The following EIF3B variants were observed in gnomAD, a reference collection of about 807,000 sequenced individuals.
The protein encoded by EIF3B is eukaryotic translation initiation factor 3 subunit B.
Under a neutral mutation model 104.6 loss-of-function variants are expected in EIF3B, and 10 were observed. The observed-to-expected ratio is 0.10, with a 90% confidence interval of 0.06 to 0.16. The LOEUF is 0.16. Ranked by LOEUF, EIF3B falls within the 10% of genes least tolerant of loss-of-function variation. The probability of loss-of-function intolerance (pLI) is 1.00; values close to 1 mark genes in which losing one functional copy is unlikely to be tolerated. For synonymous variants in EIF3B, 542 were observed against 417.2 expected (o/e 1.30, Z -3.65); for missense variants, 1,014 against 1,087.9 (o/e 0.93, Z 0.96).
intron 11 of EIF3B, among the ~76,000 whole-genome samples, chr7:2,372,467 G>C (rs2115324815): frequency 6.6e-6 from 1 of 152,286 alleles, no homozygotes; most frequent in South Asian, 2.1e-4. Flanking sequence ...GTTTCACGTA[G>C]GTCACTCCAC....
At position 2,363,065 on chromosome 7, in the gene EIF3B, T is replaced by C; in HGVS notation, c.813-5T>C. 1.2e-6 allele frequency: 2 copies of C among 1,613,984 alleles called. No homozygotes were observed. The highest frequency in any genetic ancestry group is 2.7e-5 in the African/African-American group (2 of 75,020). On this transcript the variant is annotated splice_region_variant and splice_polypyrimidine_tract_variant and intron_variant, in intron 3 of 18. Coordinates refer to ENST00000360876, the MANE Select transcript of EIF3B (RefSeq NM_001037283.2). Reference sequence around the variant, plus strand: ...TGGGGCTCAGCAGTCTCCTTTCTTCTCCAGGTATATGACGATCAGTGACGA... The same window carrying C: ...TGGGGCTCAGCAGTCTCCTTTCTTCCCCAGGTATATGACGATCAGTGACGA...
intron 13 of EIF3B, chr7:2,374,971 G>T: frequency 3.3e-6 from 1 of 302,822 alleles, no homozygotes; most frequent in Non-Finnish European, 6.2e-6. Flanking sequence ...CAGCTGTGAG[G>T]CTGCCTTACC....
At chr7:2,375,763 T>C (rs1241401684) in intron 14 of EIF3B, among the ~76,000 whole-genome samples, 4 of 152,184 alleles carry the variant, frequency 2.6e-5, no homozygotes, top group Non-Finnish European at 5.9e-5. Context: ...GGTCTTACCC[T>C]GGGCCCAGGG....
At chr7:2,362,591 A>G in intron 2 of EIF3B, 54 bp from the exon 3 acceptor site, 2 of 1,609,482 alleles carry the variant, frequency 1.2e-6, no homozygotes, top group South Asian at 1.1e-5. Context: ...CGGACAGCGC[A>G]TACCTGCCTA....
rs1039052542 is a variant in EIF3B at position 2,355,215 on chromosome 7, G to A, written c.294G>A (p.Glu98=). 6.7e-7 allele frequency: 1 copy of A among 1,492,694 alleles called. No homozygotes were observed. The highest frequency in any genetic ancestry group is 1.3e-5 in the South Asian group (1 of 79,676). 92.5% of individuals were successfully genotyped at this position (1,492,694 alleles called of 1,614,324 possible). A position where few individuals can be genotyped will look rare whatever the true frequency, so the allele number is the denominator to read the frequency against. ...AAEELPGSHA[E]PPVPAQGEAP... ...AGGAGCTGCCCGGGTCGCATGCTGA[G>A]CCCCCTGTCCCGGCACAGGGCGAGG... Residue 98 remains glutamate, a synonymous_variant, in exon 1 of 19, where the codon GAG becomes GAA. Transcript: ENST00000360876.
Position 2,374,616 on chromosome 7 carries a change from T to C in EIF3B, c.1889+10T>C. On this transcript the variant is annotated intron_variant, in intron 13 of 18. Transcript: ENST00000360876. ...TGGCGGGCCTGAGGAGGTAGGTGTC[T>C]GCGCTCTGAGCCTGTCCGCCCTGTG... The C allele has an allele frequency of 6.2e-7, 1 of 1,613,496 alleles. No individual in the cohort carries two copies. Among genetic ancestry groups the C allele is most frequent in the Middle Eastern group, 1.7e-4 (1 of 6,050 alleles).
intron 2 of EIF3B, among the ~76,000 whole-genome samples, 160 bp downstream of exon 2, chr7:2,361,062 A>C (rs1203691628): frequency 3.3e-5 from 5 of 152,176 alleles, no homozygotes; most frequent in Admixed American, 1.3e-4. Context: ...CAGAGCAGTG[A>C]ATGAGAAGAT....
rs201331895 is a variant in EIF3B at position 2,360,737 on chromosome 7, G to A, written c.527G>A (p.Arg176Gln). 7.4e-5 allele frequency: 118 copies of A among 1,589,772 alleles called. No homozygotes were observed. Among genetic ancestry groups the A allele is most frequent in the Middle Eastern group, 5.0e-4 (3 of 5,980 alleles). Reference sequence around the variant, plus strand: ...TTACTGGGAGATGTACTCAAAGATCGGCCCCAGGAAGCAGATGGAATCGAT... The same window carrying A: ...TTACTGGGAGATGTACTCAAAGATCAGCCCCAGGAAGCAGATGGAATCGAT... ...EELLGDVLKDRPQEADGIDSV... is the reference protein window; with the variant it reads ...EELLGDVLKDQPQEADGIDSV... Residue 176 changes from arginine (R) to glutamine (Q), a missense_variant, in exon 2 of 19, where the codon CGG becomes CAG. This residue lies in a region of EIF3B where 488 missense variants were observed against 404.3 expected (regional missense o/e 1.21). Coordinates refer to ENST00000360876, the MANE Select transcript of EIF3B (RefSeq NM_001037283.2).
In EIF3B at chr7:2,380,543, G is replaced by A. The variant is rs993944887; in HGVS notation, c.*354G>A. On this transcript the variant is annotated 3_prime_UTR_variant, in exon 19 of 19. Transcript: ENST00000360876. ...CGCCACTGGCGGCACCTTCTCCTGC[G>A]CCCAGTGATGTTTCCACGGTGCCTG... 7 of 399,506 alleles carry A rather than the reference G, an allele frequency of 1.8e-5. No individual in the cohort carries two copies. Among genetic ancestry groups the A allele is most frequent in the African/African-American group, 2.1e-5 (1 of 48,400 alleles). The allele number at this position is 399,506 out of a possible 1,614,324, so 24.7% of individuals were successfully genotyped here. A position where few individuals can be genotyped will look rare whatever the true frequency, so the allele number is the denominator to read the frequency against.
chr7:2,360,975 C>T, intron 2 of EIF3B, 73 bp downstream of exon 2: 1 of 1,273,578 alleles, frequency 7.9e-7, no homozygotes, highest in South Asian at 1.4e-5. Flanking sequence ...GCAGGAGATC[C>T]TTACTAACAC....
At chr7:2,369,371 T>G in intron 9 of EIF3B, 101 bp from the exon 10 acceptor site, 6 of 1,262,374 alleles carry the variant, frequency 4.8e-6, no homozygotes, top group Non-Finnish European at 5.7e-6. Flanking sequence ...TGTGACAGCA[T>G]TGAGCTTCTA....
At chr7:2,368,535 G>T (rs1780152904) in intron 9 of EIF3B, among the ~76,000 whole-genome samples, 1 of 152,228 alleles carries the variant, frequency 6.6e-6, no homozygotes, top group African/African-American at 2.4e-5. Context: ...CCACCCTTGA[G>T]GCACCACTTC....
intron 13 of EIF3B, chr7:2,375,055 C>G: frequency 2.8e-6 from 1 of 360,036 alleles, no homozygotes; most frequent in Non-Finnish European, 5.1e-6. Flanking sequence ...AAGCTTCCAG[C>G]TTTCTGCTCT....
Position 2,376,699 on chromosome 7 carries a change from G to T in EIF3B, c.2029-251G>T, listed in dbSNP as rs1026027919. 5.0e-5 allele frequency: 22 copies of T among 437,274 alleles called. No individual in the cohort carries two copies. In the East Asian group the frequency reaches 8.8e-4, roughly 17 times the overall value. The allele number at this position is 437,274 out of a possible 1,614,324, so 27.1% of individuals were successfully genotyped here. On this transcript the variant is annotated intron_variant, in intron 14 of 18. Coordinates refer to ENST00000360876, the MANE Select transcript of EIF3B (RefSeq NM_001037283.2). ...ATCCAGCATGGGGTTCTTATTGCCAGCCAGAATGTGCAGGCCTGTGCTGTG... is the reference window on the plus strand; with the variant it reads ...ATCCAGCATGGGGTTCTTATTGCCATCCAGAATGTGCAGGCCTGTGCTGTG...
rs115900900 is a variant in EIF3B at position 2,355,470 on chromosome 7, G to C, written c.499+50G>C. 1.5e-4 allele frequency: 209 copies of C among 1,401,036 alleles called. 1 individual carries two copies. Among genetic ancestry groups the C allele is most frequent in the Non-Finnish European group, 1.9e-5 (20 of 1,079,626 alleles). 86.8% of individuals were successfully genotyped at this position (1,401,036 alleles called of 1,614,324 possible). A position where few individuals can be genotyped will look rare whatever the true frequency, so the allele number is the denominator to read the frequency against. On this transcript the variant is annotated intron_variant, in intron 1 of 18. Transcript: ENST00000360876. Reference sequence around the variant, plus strand: ...GCGAGCGGCGCGGGAGCGTGGCTGGGGTTCCCGAGGTGGGAGATATCGTCG... The same window carrying C: ...GCGAGCGGCGCGGGAGCGTGGCTGGCGTTCCCGAGGTGGGAGATATCGTCG...
chr7:2,360,022 A>G (rs974737858), intron 1 of EIF3B, among the ~76,000 whole-genome samples: 5 of 152,138 alleles, frequency 3.3e-5, no homozygotes, highest in Admixed American at 3.3e-4. Context: ...TCTGCAGCGG[A>G]GAGAGGTGGG....
intron 14 of EIF3B, 71 bp from the exon 15 acceptor site, chr7:2,376,879 A>G: frequency 6.4e-7 from 1 of 1,559,962 alleles, no homozygotes; most frequent in Non-Finnish European, 8.7e-7. Flanking sequence ...GACCTTGTTC[A>G]GCAAGTGACA....
rs535907784 is a variant in EIF3B, at chr7:2,367,177, G to C, written c.1403+132G>C. 7.3e-5 allele frequency: 62 copies of C among 852,628 alleles called. No homozygotes were observed. In the African/African-American group the frequency reaches 9.0e-4, roughly 12 times the overall value. 52.8% of individuals were successfully genotyped at this position (852,628 alleles called of 1,614,324 possible). On this transcript the variant is annotated intron_variant, in intron 9 of 18. Coordinates refer to ENST00000360876, the MANE Select transcript of EIF3B (RefSeq NM_001037283.2). ...CTGAGATTTCTTTCTCCCAGTTCTG[G>C]AGCTTGGGAGCTTGAGGTCAGGGTG...
At chr7:2,372,825 A>G (rs1780429781) in intron 12 of EIF3B, 30 bp downstream of exon 12, 1 of 1,609,444 alleles carries the variant, frequency 6.2e-7, no homozygotes, top group South Asian at 1.1e-5. Flanking sequence ...TCCTCTTCTG[A>G]GTAGGTCAGC....
Sources: gnomAD v4.1 joint callset for allele counts (sites outside exome capture counted in the v4.1 genomes callset) on GRCh38, gnomAD v4.1.1 for gene constraint, gnomAD v4.1.1 regional missense constraint, MANE v1.5 for transcripts, NCBI Gene and HGNC (gene_info 2026-07-23, HGNC 2026-07-21) for gene names.